The following DHX8 variants were observed in gnomAD, a reference collection of about 807,000 sequenced individuals.
The protein encoded by DHX8 is ATP-dependent RNA helicase DHX8.
A neutral mutation model predicts 140.7 loss-of-function variants in DHX8; 67 were observed. The observed-to-expected ratio is 0.48, with a 90% CI of 0.39 to 0.58. DHX8 has a LOEUF of 0.58. DHX8 is among the 20% of genes least tolerant of loss of function. The pLI is 0.00. For missense variants in DHX8, 887 were observed against 1,550.7 expected, an observed-to-expected ratio of 0.57 and a Z score of 7.19; for synonymous variants, 533 against 553.2, an observed-to-expected ratio of 0.96 and a Z score of 0.51.
chr17:43,497,766 A>G (rs529210610), intron 9 of DHX8, among the ~76,000 whole-genome samples: 166 of 152,102 alleles, frequency 1.1e-3, no homozygotes, highest in Non-Finnish European at 2.0e-3. Flanking sequence ...AAAAAAAAAA[A>G]TTACTGGGTA....
chr17:43,500,355 C>T (rs1969114804), intron 11 of DHX8, among the ~76,000 whole-genome samples: 1 of 151,976 alleles, frequency 6.6e-6, no homozygotes, highest in Non-Finnish European at 1.5e-5. Flanking sequence ...GGCATGGTGG[C>T]ACACACCTGT....
chr17:43,526,457 C>A (rs954335254), downstream of DHX8: 2 of 1,534,862 alleles, frequency 1.3e-6, no homozygotes, highest in South Asian at 2.4e-5. Context: ...TACTTCATCC[C>A]GCCTGGACGT....
At chr17:43,520,661 T>G in intron 19 of DHX8, 90 bp from the exon 20 acceptor site, 2 of 1,507,928 alleles carry the variant, frequency 1.3e-6, no homozygotes, top group Non-Finnish European at 1.8e-6. Context: ...AAAATCTGTG[T>G]TGTTACCCAC....
At chr17:43,517,500 T>C (rs1970171671) in intron 18 of DHX8, 178 bp downstream of exon 18, 1 of 660,588 alleles carries the variant, frequency 1.5e-6, no homozygotes, top group Non-Finnish European at 2.5e-6. Context: ...TGGGGCTAAG[T>C]TGGCATGTCT....
chr17:43,493,806 G>A lies in DHX8; in HGVS notation c.1132G>A (p.Ala378Thr). ...ACCCACTCACTTGTCCCTTGTCAGT[G>A]CTCCTGAAGTAGAGGACGACTCACT... ...DRPTHLSLVS[A>T]PEVEDDSLER... The change falls in exon 8 of 23, where the codon GCT becomes ACT. Residue 378 changes from alanine (A) to threonine (T), a missense_variant. By Grantham distance (58) the Ala-to-Thr change is moderately conservative. Around this residue, in one of 9 missense-constraint regions of DHX8, gnomAD observed 98 missense variants for 152.7 expected, o/e 0.64. Transcript: ENST00000262415. 1.2e-6 allele frequency: 2 copies of A among 1,614,216 alleles called. No individual in the cohort carries two copies. The highest frequency in any genetic ancestry group is 1.7e-6 in the Non-Finnish European group (2 of 1,180,046).
intron 11 of DHX8, among the ~76,000 whole-genome samples, chr17:43,502,555 T>G (rs1248931119): frequency 6.6e-6 from 1 of 152,052 alleles, no homozygotes; most frequent in Non-Finnish European, 1.5e-5. Flanking sequence ...CTCAAGTAGC[T>G]GGGACTACAG....
chr17:43,507,065 G>C lies in DHX8; in HGVS notation c.1791G>C (p.Gln597His). The C allele has an allele frequency of 6.2e-7, 1 of 1,614,034 alleles. No homozygotes were observed. The highest frequency in any genetic ancestry group is 8.5e-7 in the Non-Finnish European group (1 of 1,180,004). Residue 597 changes from glutamine (Q) to histidine (H), a missense_variant, in exon 13 of 23, where the codon CAG becomes CAC. Physicochemically the swap from Gln to His is conservative, Grantham distance 24. Around this residue, in one of 9 missense-constraint regions of DHX8, gnomAD observed 178 missense variants for 398.5 expected, o/e 0.45. Coordinates refer to ENST00000262415, the MANE Select transcript of DHX8 (RefSeq NM_004941.3). ...IGETGSGKTT[Q>H]ITQYLAEAGY... ...AGACAGGATCTGGAAAGACAACACAGATCACCCAGTACCTGGCGGAGGCAG... is the reference window on the plus strand; with the variant it reads ...AGACAGGATCTGGAAAGACAACACACATCACCCAGTACCTGGCGGAGGCAG...
intron 22 of DHX8, among the ~76,000 whole-genome samples, chr17:43,523,324 C>T (rs1213648745): frequency 2.0e-5 from 3 of 152,158 alleles, no homozygotes; most frequent in Admixed American, 1.3e-4. Context: ...AATAAACATC[C>T]TCACATTTTA....
At chr17:43,528,062 CGGG>C (rs1171430814), downstream of DHX8, 2 of 234,968 alleles carry the variant, frequency 8.5e-6, no homozygotes, top group African/African-American at 4.4e-5. Flanking sequence ...ACTGACAAAC[CGGG>C]ACCCTCCAGG....
downstream of DHX8, chr17:43,525,846 A>C: frequency 1.0e-6 from 1 of 976,426 alleles, no homozygotes. Context: ...GTCCTGACTG[A>C]GTGCCCAGCA....
intron 16 of DHX8, among the ~76,000 whole-genome samples, chr17:43,509,535 G>A (rs1969692199): frequency 6.7e-6 from 1 of 150,170 alleles, no homozygotes; most frequent in South Asian, 2.1e-4. Context: ...CCAAGGTGGA[G>A]TGCAGTGATG....
intron 2 of DHX8, chr17:43,532,762 G>C (rs777371885): frequency 1.5e-5 from 25 of 1,613,884 alleles, no homozygotes; most frequent in Non-Finnish European, 2.1e-5. Context: ...CCTGGTCCAC[G>C]GCTGGCTGGC....
intron 9 of DHX8, among the ~76,000 whole-genome samples, chr17:43,496,563 A>G (rs1968872496): frequency 6.6e-6 from 1 of 152,078 alleles, no homozygotes; most frequent in Non-Finnish European, 1.5e-5. Context: ...AGATCACCTG[A>G]GGTTAGGAGT....
intron 2 of DHX8, chr17:43,533,268 G>A (rs1971051381): frequency 6.2e-7 from 1 of 1,614,004 alleles, no homozygotes. Flanking sequence ...CTCTGCCCGG[G>A]GAAAGGGCTG....
At chr17:43,530,923 T>A (rs900133617), downstream of DHX8, among the ~76,000 whole-genome samples, 2 of 152,060 alleles carry the variant, frequency 1.3e-5, no homozygotes, top group African/African-American at 4.8e-5. Flanking sequence ...CTCCATTTTG[T>A]GAATGGAATT....
chr17:43,530,888 G>A (rs1970892785), downstream of DHX8, among the ~76,000 whole-genome samples: 2 of 152,130 alleles, frequency 1.3e-5, no homozygotes, highest in African/African-American at 2.4e-5. Context: ...TCCGGGAGGA[G>A]GCGGGAGGGT....
rs867827232 is a variant in DHX8, at chr17:43,524,623, C to T, written c.*776C>T. On this transcript the variant is annotated 3_prime_UTR_variant, in exon 23 of 23. Coordinates refer to ENST00000262415, the MANE Select transcript of DHX8 (RefSeq NM_004941.3). ...GGCTACAGATGGCACATATTAAATA[C>T]AGAAGGTTTCCCCTTGCTCCCTCCA... The T allele has an allele frequency of 1.0e-6, 1 of 985,378 alleles. No homozygotes were observed. The highest frequency in any genetic ancestry group is 1.1e-4 in the East Asian group (1 of 8,822). The allele number at this position is 985,378 out of a possible 1,614,324, so 61.0% of individuals were successfully genotyped here.
rs532540815 is a variant in DHX8, at chr17:43,488,305, G to T, written c.149-1144G>T. ...AAAAAAGAAAAAAAAAAGAAAAAAA[G>T]AAAGTTTCAAGAACTAGGCAGGTGT... is the stretch of plus-strand genomic sequence containing the variant. On this transcript the variant is annotated intron_variant, in intron 1 of 22. Transcript: ENST00000262415. Among the ~76,000 whole-genome samples, 388 of 143,530 alleles carry T rather than the reference G, an allele frequency of 2.7e-3. 1 individual carries two copies. The highest frequency in any genetic ancestry group is 5.9e-3 in the African/African-American group (227 of 38,580). 94.2% of individuals were successfully genotyped at this position (143,530 alleles called of 152,430 possible).
intron 11 of DHX8, among the ~76,000 whole-genome samples, chr17:43,501,092 A>G (rs1263391183): frequency 1.3e-5 from 2 of 152,170 alleles, no homozygotes; most frequent in African/African-American, 4.8e-5. Context: ...TTTATGCGCT[A>G]CAACTTAGTC....
Sources: gnomAD v4.1 joint callset for allele counts (sites outside exome capture counted in the v4.1 genomes callset) on GRCh38, gnomAD v4.1.1 for gene constraint, gnomAD v4.1.1 regional missense constraint, MANE v1.5 for transcripts, NCBI Gene and HGNC (gene_info 2026-07-23, HGNC 2026-07-21) for gene names.